PNPT1: variants seen among roughly 807,000 people sequenced by gnomAD.
PNPT1 encodes the protein polyribonucleotide nucleotidyltransferase 1.
PNPT1 carries 53 observed loss-of-function variants against 119.5 expected under a neutral mutation model. That is an observed-to-expected ratio of 0.44 (90% CI 0.36 to 0.56). The LOEUF (loss-of-function observed/expected upper bound fraction) is 0.56, where lower values mean the gene tolerates loss of function less well. PNPT1 is among the 20% of genes least tolerant of loss of function. The pLI, the probability that PNPT1 is intolerant of heterozygous loss-of-function variation, is 0.00. For missense variants in PNPT1, 948 were observed against 938.5 expected, an observed-to-expected ratio of 1.01 and a Z score of -0.13; for synonymous variants, 357 against 322.1, an observed-to-expected ratio of 1.11 and a Z score of -1.16.
chr2:55,684,389 G>A (rs536752287), intron 4 of PNPT1, among the ~76,000 whole-genome samples: 10 of 152,224 alleles, frequency 6.6e-5, no homozygotes, highest in Non-Finnish European at 1.0e-4. Flanking sequence ...ACTTGAACCC[G>A]GGAGGTAGAG....
In PNPT1 at chr2:55,691,722, C is replaced by T. The variant is rs1697605805; in HGVS notation, c.161+1941G>A. ...GTCCTTGAAGAATGGAAGAGATGTC[C>T]ACTTCCCTCAAAAATCAGAATTAAT... On this transcript the variant is annotated intron_variant, in intron 1 of 27. Coordinates refer to ENST00000447944, the MANE Select transcript of PNPT1 (RefSeq NM_033109.5). 4.0e-5 allele frequency among the ~76,000 whole-genome samples: 6 copies of T among 151,840 alleles called. No homozygotes were observed. The South Asian group carries it at 1.3e-3, about 32-fold the overall frequency.
intron 25 of PNPT1, among the ~76,000 whole-genome samples, chr2:55,642,328 C>A (rs559689619): frequency 2.7e-5 from 4 of 150,038 alleles, no homozygotes; most frequent in Non-Finnish European, 1.5e-5. Flanking sequence ...TTCAGTTGGC[C>A]GGGCGCGGTG....
chr2:55,686,894 G>A (rs1416116301), intron 2 of PNPT1, among the ~76,000 whole-genome samples: 2 of 152,086 alleles, frequency 1.3e-5, no homozygotes, highest in Non-Finnish European at 2.9e-5. Flanking sequence ...CTTTGCGGGG[G>A]CAAGGCAGGT....
Position 55,683,802 on chromosome 2 carries a change from AG to A in PNPT1, c.435del (p.Tyr146ThrfsTer12). On this transcript the variant is annotated frameshift_variant, in exon 5 of 28. Transcript: ENST00000447944. LOFTEE classifies it high-confidence loss of function. The part of the protein sequence containing the change: ...DRSIRPLFPA[G>X]YFYDTQVLCN... ...GAATCTACCTGTGTATCATAGAAGT[AG>A]CCAGCTGGAAAGAGCGGTCTAATTG... The A allele has an allele frequency of 6.2e-7, 1 of 1,613,702 alleles. No homozygotes were observed. Among genetic ancestry groups the A allele is most frequent in the Non-Finnish European group, 8.5e-7 (1 of 1,179,712 alleles).
rs146883542 is a variant in PNPT1 at position 55,652,321 on chromosome 2, C to T, written c.1495+2579G>A. 3.3e-3 allele frequency among the ~76,000 whole-genome samples: 502 copies of T among 152,268 alleles called. 3 individuals carry two copies. Among genetic ancestry groups the T allele is most frequent in the African/African-American group, 0.01 (416 of 41,554 alleles). On this transcript the variant is annotated intron_variant, in intron 18 of 27. Transcript: ENST00000447944. ...TTGAATTGAACTGCATACCTTGTAT[C>T]GGCCCATCCCACAGGACTTGACATT...
intron 8 of PNPT1, among the ~76,000 whole-genome samples, chr2:55,674,553 A>G (rs1374967060): frequency 1.3e-5 from 2 of 152,208 alleles, no homozygotes; most frequent in Non-Finnish European, 2.9e-5. Flanking sequence ...AGATCACGCC[A>G]CTGCACTCTA....
At chr2:55,669,905 C>A (rs536047115) in intron 11 of PNPT1, among the ~76,000 whole-genome samples, 49 of 151,842 alleles carry the variant, frequency 3.2e-4, no homozygotes, top group African/African-American at 1.2e-3. Flanking sequence ...ATTACAGGAG[C>A]CTGCCACCAT....
At chr2:55,661,906 T>C (rs1696587960) in intron 14 of PNPT1, 50 bp downstream of exon 14, 10 of 1,440,152 alleles carry the variant, frequency 6.9e-6, no homozygotes, top group Non-Finnish European at 9.3e-6. Context: ...GCTTTAATTA[T>C]ATAATAGAAC....
chr2:55,687,002 C>T (rs1215929928), intron 2 of PNPT1, among the ~76,000 whole-genome samples: 1 of 149,780 alleles, frequency 6.7e-6, no homozygotes, highest in Non-Finnish European at 1.5e-5. Context: ...ATCACGAGGT[C>T]AGGAGATCAA....
At chr2:55,684,549 G>A (rs142671943) in intron 4 of PNPT1, among the ~76,000 whole-genome samples, 102 of 152,230 alleles carry the variant, frequency 6.7e-4, no homozygotes, top group African/African-American at 2.4e-3. Flanking sequence ...GAAAGATTAT[G>A]GACATATTTC....
chr2:55,687,724 G>T lies in PNPT1; in HGVS notation c.162-19C>A. On this transcript the variant is annotated intron_variant, in intron 1 of 27. Coordinates refer to ENST00000447944, the MANE Select transcript of PNPT1 (RefSeq NM_033109.5). ...TAATTTCCTGTTTAAAAATAAAAAT[G>T]CAATACAAGAAGACTTAGGTCATCT... 1 of 1,570,064 alleles carries T rather than the reference G, an allele frequency of 6.4e-7. No homozygotes were observed. Among genetic ancestry groups the T allele is most frequent in the African/African-American group, 1.4e-5 (1 of 73,182 alleles).
chr2:55,671,499 A>G, intron 10 of PNPT1, 123 bp from the exon 11 acceptor site: 1 of 545,824 alleles, frequency 1.8e-6, no homozygotes, highest in Non-Finnish European at 3.1e-6. Flanking sequence ...TCTTTAAAAT[A>G]TTGGAATTGG....
chr2:55,644,840 T>C lies in PNPT1; in HGVS notation c.1823-120A>G, dbSNP rs1192436463. 7 of 523,104 alleles carry C rather than the reference T, an allele frequency of 1.3e-5. No individual in the cohort carries two copies. The East Asian group carries it at 2.2e-4, about 17-fold the overall frequency. The allele number at this position is 523,104 out of a possible 1,614,324, so 32.4% of individuals were successfully genotyped here. ...CTAGACACATGTAAAAATATTTTAC[T>C]ATAAAACAGAAAAGTAGATGATTAA... On this transcript the variant is annotated intron_variant, in intron 22 of 27. Transcript: ENST00000447944.
chr2:55,691,870 ATATATATATTTTTTTTT>A (rs1231593948), intron 1 of PNPT1, among the ~76,000 whole-genome samples: 2 of 12,280 alleles, frequency 1.6e-4, no homozygotes, highest in Non-Finnish European at 5.1e-4. Flanking sequence ...ATATATATAT[ATATATATATTTTTTTTT>A]TTTTTTTTTT....
intron 26 of PNPT1, 26 bp from the exon 27 acceptor site, chr2:55,637,625 A>C: frequency 6.4e-7 from 1 of 1,551,922 alleles, no homozygotes; most frequent in Non-Finnish European, 8.9e-7. Flanking sequence ...TTAATCTATT[A>C]GTTGTTGTGC....
Position 55,646,408 on chromosome 2 carries a change from A to C in PNPT1, c.1674+7T>G. 1 of 1,611,278 alleles carries C rather than the reference A, an allele frequency of 6.2e-7. No homozygotes were observed. On this transcript the variant is annotated splice_region_variant and intron_variant, in intron 20 of 27. Transcript: ENST00000447944. ...CAAAAATGAAACAAAATGGGTTTTA[A>C]AAATACCTGTAATGCAGTTATTCCT... is the stretch of plus-strand genomic sequence containing the variant.
In PNPT1 at chr2:55,680,693, C is replaced by G. The variant is rs909394174; in HGVS notation, c.565+19G>C. 6.2e-7 allele frequency: 1 copy of G among 1,603,346 alleles called. No individual in the cohort carries two copies. Among genetic ancestry groups the G allele is most frequent in the African/African-American group, 1.3e-5 (1 of 74,446 alleles). ...AAAAAAATACACATATGATTTCTTA[C>G]TTTTAAATCCTAACTTACCAACAGG... On this transcript the variant is annotated intron_variant, in intron 7 of 27. Transcript: ENST00000447944.
chr2:55,690,575 T>C (rs1484994322), intron 1 of PNPT1, among the ~76,000 whole-genome samples: 1 of 152,246 alleles, frequency 6.6e-6, no homozygotes, highest in East Asian at 1.9e-4. Context: ...GAAAAGCATA[T>C]TTATCTATTC....
Position 55,643,372 on chromosome 2 carries a change from G to A in PNPT1, c.1960C>T (p.Pro654Ser), listed in dbSNP as rs765801538. 4 of 1,614,176 alleles carry A rather than the reference G, an allele frequency of 2.5e-6. No homozygotes were observed. The highest frequency in any genetic ancestry group is 2.5e-6 in the Non-Finnish European group (3 of 1,180,034). Residue 654 changes from proline (P) to serine (S), a missense_variant, in exon 24 of 28, where the codon CCC (proline) becomes TCC (serine). Pro to Ser is a moderately conservative substitution (Grantham distance 74). Coordinates refer to ENST00000447944, the MANE Select transcript of PNPT1 (RefSeq NM_033109.5). Reference protein sequence around the residue: ...EETFSVFAPTPSAMHEARDFI... With the variant: ...EETFSVFAPTSSAMHEARDFI... ...TCTCTTGCCTCATGCATAGCACTGG[G>A]TGTTGGTGCAAATACAGAAAACGTT...
Sources: gnomAD v4.1 joint callset for allele counts (sites outside exome capture counted in the v4.1 genomes callset) on GRCh38, gnomAD v4.1.1 for gene constraint, MANE v1.5 for transcripts, NCBI Gene and HGNC (gene_info 2026-07-23, HGNC 2026-07-21) for gene names.